Variants in HTR4 observed in about 807,000 individuals in gnomAD.
HTR4 encodes 5-hydroxytryptamine receptor 4, also known as 5-hydroxytryptamine (serotonin) receptor 4, G protein-coupled.
In HTR4, 16 loss-of-function variants were observed where a neutral mutation model predicts 36.8. That is an observed-to-expected ratio of 0.43 (90% CI 0.29 to 0.66). The LOEUF is 0.66. Ranked by LOEUF, HTR4 falls within the 30% of genes least tolerant of loss-of-function variation. HTR4 has a pLI of 0.13. For synonymous variants in HTR4, 189 were observed against 185.1 expected, an observed-to-expected ratio of 1.02 and a Z score of -0.17; for missense variants, 438 against 490.9, an observed-to-expected ratio of 0.89 and a Z score of 1.02.
At chr5:148,575,100 C>G (rs1329228262) in intron 2 of HTR4, among the ~76,000 whole-genome samples, 1 of 152,024 alleles carries the variant, frequency 6.6e-6, no homozygotes, top group Non-Finnish European at 1.5e-5. Context: ...CTCCTTTTTA[C>G]TTTCTGCCTG....
At chr5:148,619,754 G>A (rs553275187) in intron 2 of HTR4, among the ~76,000 whole-genome samples, 1 of 152,118 alleles carries the variant, frequency 6.6e-6, no homozygotes, top group South Asian at 2.1e-4. Context: ...GTAGGAGGAA[G>A]ATAAAAAAAT....
intron 2 of HTR4, among the ~76,000 whole-genome samples, chr5:148,572,123 A>T (rs1760702632): frequency 6.6e-6 from 1 of 152,134 alleles, no homozygotes; most frequent in African/African-American, 2.4e-5. Context: ...TAATATAATA[A>T]GGGTATCCCC....
chr5:148,458,076 G>A (rs58194974), intron 5 of HTR4, among the ~76,000 whole-genome samples: 3 of 39,642 alleles, frequency 7.6e-5, no homozygotes, highest in African/African-American at 1.2e-4. Context: ...CTATTTAATA[G>A]ATCTTAAAAT....
chr5:148,614,547 C>T (rs1391964881), intron 2 of HTR4, among the ~76,000 whole-genome samples: 2 of 152,292 alleles, frequency 1.3e-5, no homozygotes, highest in East Asian at 3.9e-4. Context: ...GGATTAAAGA[C>T]TTAAACGTTA....
At chr5:148,521,117 G>A (rs966516829) in intron 5 of HTR4, among the ~76,000 whole-genome samples, 1 of 152,200 alleles carries the variant, frequency 6.6e-6, no homozygotes, top group African/African-American at 2.4e-5. Context: ...TACAGCAAGT[G>A]CCTGACAACT....
intron 6 of HTR4, among the ~76,000 whole-genome samples, chr5:148,494,083 G>A (rs1472710051): frequency 6.6e-6 from 1 of 152,160 alleles, no homozygotes; most frequent in Non-Finnish European, 1.5e-5. Context: ...GAATTCTGAT[G>A]TGCTGAAGTC....
At chr5:148,548,943 A>ACATCT in intron 3 of HTR4, 75 bp from the exon 4 acceptor site, 1 of 1,016,540 alleles carries the variant, frequency 9.8e-7, no homozygotes, top group Admixed American at 2.0e-5. Flanking sequence ...AGAGATCAAG[A>ACATCT]GAAAAAACAG....
intron 4 of HTR4, among the ~76,000 whole-genome samples, chr5:148,534,291 T>C (rs1452486081): frequency 6.6e-6 from 1 of 152,204 alleles, no homozygotes; most frequent in African/African-American, 2.4e-5. Context: ...CTGCCATCTT[T>C]GCTGTTTTGC....
At chr5:148,523,062 T>TA (rs551345699) in intron 5 of HTR4, 131 bp downstream of exon 5, 12,318 of 693,750 alleles carry the variant, frequency 0.018, 3 homozygotes, top group South Asian at 0.021. Flanking sequence ...GTGTTAGCTT[T>TA]AAAAAAAAAA....
At chr5:148,556,583 T>C (rs1304604554) in intron 2 of HTR4, among the ~76,000 whole-genome samples, 2 of 152,204 alleles carry the variant, frequency 1.3e-5, no homozygotes, top group African/African-American at 4.8e-5. Context: ...GAAACAGACA[T>C]AAGCAAATGC....
intron 6 of HTR4, among the ~76,000 whole-genome samples, chr5:148,504,133 A>T (rs889591373): frequency 6.6e-6 from 1 of 152,226 alleles, no homozygotes. Context: ...TCAGCTCTGC[A>T]TCAAGCAGAC....
chr5:148,482,795 T>C lies in HTR4; in HGVS notation c.*408A>G, dbSNP rs1215826441. On this transcript the variant is annotated 3_prime_UTR_variant, in exon 7 of 7. Transcript: ENST00000377888. ...CAGGAACAGAGAGGGAGTATTTTGTTGATATCTGGAAGCCCACACAGCAAA... is the reference window on the plus strand; with the variant it reads ...CAGGAACAGAGAGGGAGTATTTTGTCGATATCTGGAAGCCCACACAGCAAA... 9.5e-7 allele frequency: 1 copy of C among 1,048,108 alleles called. No individual in the cohort carries two copies. Among genetic ancestry groups the C allele is most frequent in the African/African-American group, 1.7e-5 (1 of 60,550 alleles). The allele number at this position is 1,048,108 out of a possible 1,614,324, so 64.9% of individuals were successfully genotyped here. A position where few individuals can be genotyped will look rare whatever the true frequency, so the allele number is the denominator to read the frequency against.
downstream of HTR4, among the ~76,000 whole-genome samples, chr5:148,476,229 C>T (rs10058828): frequency 0.079 from 12,058 of 152,190 alleles, 712 homozygotes; most frequent in African/African-American, 0.16. Context: ...TCAATAGATG[C>T]CATTATTGGT....
chr5:148,485,684 C>T (rs926711792), intron 6 of HTR4, among the ~76,000 whole-genome samples: 3 of 151,988 alleles, frequency 2.0e-5, no homozygotes, highest in African/African-American at 7.2e-5. Flanking sequence ...ACTAGGGAGA[C>T]TAGGTGTAAA....
intron 2 of HTR4, among the ~76,000 whole-genome samples, chr5:148,604,347 G>C (rs1581533288): frequency 6.6e-6 from 1 of 151,922 alleles, no homozygotes; most frequent in Non-Finnish European, 1.5e-5. Flanking sequence ...ATGAACAAAA[G>C]ACTTGAACAA....
intron 5 of HTR4, among the ~76,000 whole-genome samples, chr5:148,459,594 C>A (rs1049451166): frequency 2.6e-5 from 4 of 152,160 alleles, no homozygotes; most frequent in African/African-American, 9.7e-5. Context: ...AGACAGAGAA[C>A]TAATCACAGG....
chr5:148,477,465 C>T (rs13356990), downstream of HTR4, among the ~76,000 whole-genome samples: 2,515 of 152,254 alleles, frequency 0.017, 84 homozygotes, highest in African/African-American at 0.058. Context: ...GTTCTTGCTG[C>T]TAACAAGAAC....
intron 4 of HTR4, among the ~76,000 whole-genome samples, chr5:148,527,624 T>C (rs1758346341): frequency 6.6e-6 from 1 of 152,142 alleles, no homozygotes; most frequent in Admixed American, 6.5e-5. Flanking sequence ...CCCTTACACA[T>C]TTTTTAATTT....
At chr5:148,532,637 T>G (rs538303117) in intron 4 of HTR4, among the ~76,000 whole-genome samples, 2 of 152,334 alleles carry the variant, frequency 1.3e-5, no homozygotes, top group African/African-American at 4.8e-5. Context: ...GGCCAAGGCC[T>G]GAAGAGAGAA....
Sources: gnomAD v4.1 joint callset for allele counts (sites outside exome capture counted in the v4.1 genomes callset) on GRCh38, gnomAD v4.1.1 for gene constraint, MANE v1.5 for transcripts, NCBI Gene and HGNC (gene_info 2026-07-23, HGNC 2026-07-21) for gene names.